ARGFX: variants seen among roughly 807,000 people sequenced by gnomAD.
ARGFX encodes arginine-fifty homeobox.
In ARGFX, 10 loss-of-function variants were observed where a neutral mutation model predicts 8.0. That is an observed-to-expected ratio of 1.25 (90% CI 0.77 to 2.12). The LOEUF is 2.12. Ranked by LOEUF, ARGFX falls within the 30% of genes most tolerant of loss-of-function variation. The pLI is 0.00. For synonymous variants in ARGFX, 116 were observed against 117.8 expected (o/e 0.98, Z 0.10); for missense variants, 282 against 324.3 (o/e 0.87, Z 1.00).
At position 121,570,805 on chromosome 3, in the gene ARGFX, C is replaced by T; in HGVS notation, c.92C>T (p.Pro31Leu). The T allele has an allele frequency of 1.9e-6, 3 of 1,599,798 alleles. No individual in the cohort carries two copies. The highest frequency in any genetic ancestry group is 1.3e-5 in the African/African-American group (1 of 74,372). The change falls in exon 2 of 5, where the codon CCA becomes CTA. Residue 31 changes from proline to leucine, a missense_variant. Pro to Leu is a moderately conservative substitution (Grantham distance 98). Transcript: ENST00000334384. Reference protein sequence around the residue: ...SNMKVIPPQDPASPSFTLLSK... With the variant: ...SNMKVIPPQDLASPSFTLLSK... The stretch of plus-strand genomic sequence containing the variant: ...ATGAAGGTGATACCACCACAGGATC[C>T]AGCTAGTCCCAGTGAGTATCATCCT...
At chr3:121,585,191 G>A (rs1560122803) in intron 4 of ARGFX, 126 bp downstream of exon 4, 8 of 1,091,114 alleles carry the variant, frequency 7.3e-6, no homozygotes, top group Non-Finnish European at 9.0e-6. Flanking sequence ...CTACTGAAAC[G>A]GTATCAAACT....
Position 121,588,627 on chromosome 3 carries a change from G to A in ARGFX, c.*2027G>A, listed in dbSNP as rs1044833609. Among the ~76,000 whole-genome samples the A allele has an allele frequency of 6.2e-4, 94 of 151,878 alleles. No individual in the cohort carries two copies. The highest frequency in any genetic ancestry group is 2.2e-3 in the African/African-American group (92 of 41,476). ...AAACTTAAAAAAGGACATAGAAAATGTTTTGAATAGGCCAGGCGCAGTGGC... is the reference window on the plus strand; with the variant it reads ...AAACTTAAAAAAGGACATAGAAAATATTTTGAATAGGCCAGGCGCAGTGGC... On this transcript the variant is annotated 3_prime_UTR_variant, in exon 5 of 5. Coordinates refer to ENST00000334384, the MANE Select transcript of ARGFX (RefSeq NM_001012659.2).
chr3:121,586,349 C>A lies in ARGFX; in HGVS notation c.697C>A (p.Leu233Met), dbSNP rs574610430. Residue 233 changes from leucine to methionine, a missense_variant, in exon 5 of 5, where the codon CTG (leucine) becomes ATG (methionine). By Grantham distance (15) the Leu-to-Met change is conservative. Coordinates refer to ENST00000334384, the MANE Select transcript of ARGFX (RefSeq NM_001012659.2). ...CTATGACATATTCCAAATCATAGAA[C>A]TGTACAATCTTCCTGATGAGAATGA... Reference protein sequence around the residue: ...DAYDIFQIIELYNLPDENEIS... With the variant: ...DAYDIFQIIEMYNLPDENEIS... 18 of 1,614,222 alleles carry A rather than the reference C, an allele frequency of 1.1e-5. No homozygotes were observed. In the African/African-American group the frequency reaches 2.0e-4, roughly 18 times the overall value.
rs1002435039 is a variant in ARGFX, at chr3:121,590,562, C to G, written c.*3962C>G. 1.3e-5 allele frequency among the ~76,000 whole-genome samples: 2 copies of G among 150,982 alleles called. No individual in the cohort carries two copies. Among genetic ancestry groups the G allele is most frequent in the African/African-American group, 2.4e-5 (1 of 41,186 alleles). On this transcript the variant is annotated 3_prime_UTR_variant, in exon 5 of 5. Transcript: ENST00000334384. ...TGGCCAGGTGTGGCCCCTCCATCTT[C>G]CGTCTGAGACTGGAAGACTTCCCAG...
At chr3:121,574,386 T>C (rs957842310) in intron 2 of ARGFX, among the ~76,000 whole-genome samples, 39 of 152,180 alleles carry the variant, frequency 2.6e-4, no homozygotes, top group African/African-American at 8.7e-4. Flanking sequence ...ATGAAATAAT[T>C]ATGCAACTCA....
intron 2 of ARGFX, among the ~76,000 whole-genome samples, chr3:121,573,109 C>G (rs539574705): frequency 1.3e-5 from 2 of 152,252 alleles, no homozygotes; most frequent in African/African-American, 4.8e-5. Context: ...ACACCAAAAG[C>G]ACAGGCAACA....
At chr3:121,571,936 C>A (rs944839546) in intron 2 of ARGFX, among the ~76,000 whole-genome samples, 3 of 151,560 alleles carry the variant, frequency 2.0e-5, no homozygotes, top group Non-Finnish European at 4.4e-5. Context: ...TCAAGCAATT[C>A]TCCTGCCTCA....
At chr3:121,582,197 G>A (rs767671515) in intron 3 of ARGFX, among the ~76,000 whole-genome samples, 4 of 152,114 alleles carry the variant, frequency 2.6e-5, no homozygotes, top group South Asian at 2.1e-4. Flanking sequence ...GGATGAGTGT[G>A]GGGGGAAAGT....
rs113947841 is a variant in ARGFX, at chr3:121,576,933, G to A, written c.220+33G>A. 2,434 of 273,314 alleles carry A rather than the reference G, an allele frequency of 8.9e-3. 54 individuals are homozygous for A. Among genetic ancestry groups the A allele is most frequent in the African/African-American group, 0.052 (2,229 of 42,740 alleles). 16.9% of individuals were successfully genotyped at this position (273,314 alleles called of 1,614,324 possible). On this transcript the variant is annotated intron_variant, in intron 3 of 4. Coordinates refer to ENST00000334384, the MANE Select transcript of ARGFX (RefSeq NM_001012659.2). The stretch of plus-strand genomic sequence containing the variant: ...CCACTACACCCTCTTTTGTAGAGAC[G>A]AGATTTCACCATGTGGTCCAGACTG...
intron 3 of ARGFX, among the ~76,000 whole-genome samples, chr3:121,579,332 A>T (rs1361453261): frequency 6.6e-6 from 1 of 152,172 alleles, no homozygotes; most frequent in Non-Finnish European, 1.5e-5. Flanking sequence ...ATTTTTCCTT[A>T]TCTGATACCA....
rs551131880 is a variant in ARGFX, at chr3:121,581,772, G to T, written c.221-3145G>T. On this transcript the variant is annotated intron_variant, in intron 3 of 4. Coordinates refer to ENST00000334384, the MANE Select transcript of ARGFX (RefSeq NM_001012659.2). ...CACAAAAATTAGCCAGGCATGGTGT[G>T]TGCACCTCTAGTCCCAGCTACTCGG... Among the ~76,000 whole-genome samples the T allele has an allele frequency of 2.6e-5, 4 of 152,088 alleles. No individual in the cohort carries two copies. The East Asian group carries it at 7.7e-4, about 29-fold the overall frequency.
chr3:121,569,361 A>AT (rs2048693358), intron 1 of ARGFX, among the ~76,000 whole-genome samples: 1 of 143,878 alleles, frequency 7.0e-6, no homozygotes, highest in African/African-American at 2.6e-5. Context: ...CAATGTGAAA[A>AT]CTTTTTTTTT....
In ARGFX at chr3:121,588,244, G is replaced by A. The variant is rs1267959115; in HGVS notation, c.*1644G>A. ...GCACTTTGGGAGGCCGAGGCGGGCG[G>A]ATCACGAGGTCAGGAGATTGAGACC... On this transcript the variant is annotated 3_prime_UTR_variant, in exon 5 of 5. Transcript: ENST00000334384. 4.8e-5 allele frequency among the ~76,000 whole-genome samples: 7 copies of A among 147,294 alleles called. No homozygotes were observed. The highest frequency in any genetic ancestry group is 1.3e-4 in the African/African-American group (5 of 39,922).
At chr3:121,583,425 GTTTTATTTTATTTTA>G (rs1210601592) in intron 3 of ARGFX, among the ~76,000 whole-genome samples, 3 of 151,374 alleles carry the variant, frequency 2.0e-5, no homozygotes, top group Non-Finnish European at 4.4e-5. Flanking sequence ...TTTTTATTTT[GTTTTATTTTATTTTA>G]TTTTATTTTA....
At chr3:121,570,653 G>A (rs2048702324) in intron 1 of ARGFX, 49 bp from the exon 2 acceptor site, 11 of 1,282,488 alleles carry the variant, frequency 8.6e-6, no homozygotes, top group East Asian at 2.5e-5. Flanking sequence ...GCTATCCAGC[G>A]AATGAATTCC....
intron 2 of ARGFX, among the ~76,000 whole-genome samples, chr3:121,574,951 A>G (rs771239380): frequency 6.6e-6 from 1 of 152,228 alleles, no homozygotes; most frequent in Non-Finnish European, 1.5e-5. Flanking sequence ...GACCAAATGT[A>G]TGTACAAATT....
chr3:121,589,762 A>G lies in ARGFX; in HGVS notation c.*3162A>G, dbSNP rs1440862709. ...ATATATAATAACTTTGAACTTAAATATACTTAACAACATATACCAAAAATA... is the reference window on the plus strand; with the variant it reads ...ATATATAATAACTTTGAACTTAAATGTACTTAACAACATATACCAAAAATA... On this transcript the variant is annotated 3_prime_UTR_variant, in exon 5 of 5. Coordinates refer to ENST00000334384, the MANE Select transcript of ARGFX (RefSeq NM_001012659.2). Among the ~76,000 whole-genome samples the G allele has an allele frequency of 2.6e-5, 4 of 152,346 alleles. No individual in the cohort carries two copies. The highest frequency in any genetic ancestry group is 7.2e-5 in the African/African-American group (3 of 41,576).
At chr3:121,570,243 C>T (rs2048699475) in intron 1 of ARGFX, among the ~76,000 whole-genome samples, 2 of 152,180 alleles carry the variant, frequency 1.3e-5, no homozygotes, top group Non-Finnish European at 1.5e-5. Flanking sequence ...CACCTTCTTT[C>T]CTGAAAGATA....
At position 121,590,144 on chromosome 3, in the gene ARGFX, G is replaced by C. The variant is rs1204543695; in HGVS notation, c.*3544G>C. 6.6e-6 allele frequency among the ~76,000 whole-genome samples: 1 copy of C among 152,142 alleles called. No homozygotes were observed. The highest frequency in any genetic ancestry group is 2.1e-4 in the South Asian group (1 of 4,828). Reference sequence around the variant, plus strand: ...TTAGAAAGAAATACTATGAACAATTGAATGCCAACAAATTAGATAAATGAA... The same window carrying C: ...TTAGAAAGAAATACTATGAACAATTCAATGCCAACAAATTAGATAAATGAA... On this transcript the variant is annotated 3_prime_UTR_variant, in exon 5 of 5. Transcript: ENST00000334384.
Sources: allele counts gnomAD v4.1 joint callset (sites outside exome capture counted in the v4.1 genomes callset), GRCh38; gene constraint gnomAD v4.1.1; transcripts MANE v1.5; gene names NCBI Gene and HGNC (gene_info 2026-07-23, HGNC 2026-07-21).